Variants in SLC41A3 observed in about 807,000 individuals in gnomAD.
The protein encoded by SLC41A3 is SLC41A1-like 2.
A neutral mutation model predicts 45.4 loss-of-function variants in SLC41A3; 44 were observed. The observed-to-expected ratio is 0.97, with a 90% CI of 0.76 to 1.25. SLC41A3 has a LOEUF of 1.25. Ranked by LOEUF, SLC41A3 falls within the 50% of genes most tolerant of loss-of-function variation. The pLI is 0.00. For missense variants in SLC41A3, 550 were observed against 600.6 expected, an observed-to-expected ratio of 0.92 and a Z score of 0.88; for synonymous variants, 256 against 252.4, an observed-to-expected ratio of 1.01 and a Z score of -0.13.
intron 1 of SLC41A3, among the ~76,000 whole-genome samples, chr3:126,076,370 T>C (rs1196684980): frequency 6.6e-6 from 1 of 152,202 alleles, no homozygotes; most frequent in Non-Finnish European, 1.5e-5. Context: ...TAATATTCAA[T>C]TACATGGACA....
chr3:126,027,747 A>G (rs1457267754), intron 4 of SLC41A3, among the ~76,000 whole-genome samples: 1 of 152,214 alleles, frequency 6.6e-6, no homozygotes, highest in Non-Finnish European at 1.5e-5. Context: ...AAATTCTGGT[A>G]ATAATTTGGA....
intron 3 of SLC41A3, among the ~76,000 whole-genome samples, chr3:126,043,273 T>A (rs1336137960): frequency 6.6e-6 from 1 of 152,066 alleles, no homozygotes; most frequent in Non-Finnish European, 1.5e-5. Flanking sequence ...AAAACACCTG[T>A]CAACTGAGAA....
At chr3:126,082,896 C>T (rs1220844714) in intron 1 of SLC41A3, among the ~76,000 whole-genome samples, 2 of 152,222 alleles carry the variant, frequency 1.3e-5, no homozygotes, top group South Asian at 2.1e-4. Flanking sequence ...CTGGGCTTCA[C>T]CCCTCCCCAC....
upstream of SLC41A3, among the ~76,000 whole-genome samples, chr3:126,088,806 C>CTT (rs1945439767): frequency 6.6e-6 from 1 of 152,316 alleles, no homozygotes; most frequent in South Asian, 2.1e-4. Flanking sequence ...AAAATAACCA[C>CTT]TTTAAGGACA....
intron 3 of SLC41A3, among the ~76,000 whole-genome samples, chr3:126,035,607 G>T (rs149006218): frequency 6.6e-6 from 1 of 152,228 alleles, no homozygotes; most frequent in Non-Finnish European, 1.5e-5. Flanking sequence ...CAAGGGAGCC[G>T]ATGGAAATTA....
At chr3:126,067,097 C>G (rs369349631) in intron 2 of SLC41A3, among the ~76,000 whole-genome samples, 882 of 67,314 alleles carry the variant, frequency 0.013, 32 homozygotes, top group African/African-American at 0.023. Flanking sequence ...TGGACCGCCC[C>G]CCCGCCCCCC....
chr3:126,058,641 T>G (rs1339177464), intron 2 of SLC41A3, among the ~76,000 whole-genome samples: 1 of 152,194 alleles, frequency 6.6e-6, no homozygotes, highest in East Asian at 1.9e-4. Flanking sequence ...ACAAAACCAC[T>G]GTGTGCTCTT....
In SLC41A3 at chr3:126,050,953, A is replaced by G. The variant is rs1943292773; in HGVS notation, c.371T>C (p.Leu124Pro). 1.2e-6 allele frequency: 2 copies of G among 1,612,172 alleles called. No individual in the cohort carries two copies. The highest frequency in any genetic ancestry group is 2.7e-5 in the African/African-American group (2 of 74,882). Residue 124 changes from leucine (L) to proline (P), a missense_variant, in exon 3 of 11, where the codon CTC becomes CCC. Leu to Pro is a moderately conservative substitution (Grantham distance 98). Transcript: ENST00000360370. ...GNLEMTLASR[L>P]STAANTGQID... Reference sequence around the variant, plus strand: ...CAGGTGTCCACTTACAGCTGTGGAGAGTCTGGATGCCAGTGTCATCTCCAG... The same window carrying G: ...CAGGTGTCCACTTACAGCTGTGGAGGGTCTGGATGCCAGTGTCATCTCCAG...
At chr3:126,020,994 A>T (rs975735889) in intron 6 of SLC41A3, among the ~76,000 whole-genome samples, 2 of 151,410 alleles carry the variant, frequency 1.3e-5, no homozygotes, top group Non-Finnish European at 2.9e-5. Flanking sequence ...TCCCAGGTTC[A>T]CGCCATTCTC....
intron 3 of SLC41A3, among the ~76,000 whole-genome samples, chr3:126,043,765 C>G (rs1942748587): frequency 8.4e-6 from 1 of 118,898 alleles, no homozygotes; most frequent in South Asian, 2.6e-4. Flanking sequence ...AAAATATAAA[C>G]AAAAAGGAAC....
intron 3 of SLC41A3, among the ~76,000 whole-genome samples, chr3:126,046,356 T>TACACACACACAC (rs66615933): frequency 3.3e-5 from 5 of 150,546 alleles, no homozygotes; most frequent in African/African-American, 1.2e-4. Context: ...CTCTAAAGAT[T>TACACACACACAC]ACACACACAC....
At chr3:126,056,239 T>G in intron 2 of SLC41A3, 1 of 1,319,854 alleles carries the variant, frequency 7.6e-7, no homozygotes, top group Non-Finnish European at 1.0e-6. Context: ...CAAGGGCAGG[T>G]TGAGGGCTGC....
intron 3 of SLC41A3, among the ~76,000 whole-genome samples, chr3:126,048,721 T>C (rs926913133): frequency 3.3e-5 from 5 of 152,082 alleles, no homozygotes; most frequent in South Asian, 2.1e-4. Flanking sequence ...CAGATGGAGA[T>C]TGAAGGTAGA....
At chr3:126,047,894 A>C (rs540951450) in intron 3 of SLC41A3, among the ~76,000 whole-genome samples, 8 of 152,354 alleles carry the variant, frequency 5.3e-5, no homozygotes, top group Middle Eastern at 3.4e-3. Flanking sequence ...GATGAACTAC[A>C]TGAAAATTAA....
At chr3:126,051,372 A>G (rs1943326259) in intron 2 of SLC41A3, among the ~76,000 whole-genome samples, 1 of 152,168 alleles carries the variant, frequency 6.6e-6, no homozygotes, top group African/African-American at 2.4e-5. Context: ...GATGAGAAAG[A>G]TGGGAATTTC....
At chr3:126,032,891 G>A (rs1941908139) in intron 4 of SLC41A3, among the ~76,000 whole-genome samples, 1 of 152,160 alleles carries the variant, frequency 6.6e-6, no homozygotes, top group South Asian at 2.1e-4. Flanking sequence ...CCCCAACTCA[G>A]AGAGGCCCAG....
intron 3 of SLC41A3, among the ~76,000 whole-genome samples, chr3:126,041,146 A>T: frequency 6.6e-6 from 1 of 152,294 alleles, no homozygotes; most frequent in African/African-American, 2.4e-5. Flanking sequence ...TGAAGAGTGA[A>T]TCAGTGAAAA....
chr3:126,006,746 C>T lies in SLC41A3; in HGVS notation c.*270G>A, dbSNP rs1939143143. 4 of 1,444,866 alleles carry T rather than the reference C, an allele frequency of 2.8e-6. No homozygotes were observed. Among genetic ancestry groups the T allele is most frequent in the Non-Finnish European group, 3.6e-6 (4 of 1,104,184 alleles). The allele number at this position is 1,444,866 out of a possible 1,614,324, so 89.5% of individuals were successfully genotyped here. On this transcript the variant is annotated 3_prime_UTR_variant, in exon 11 of 11. Coordinates refer to ENST00000360370, the MANE Select transcript of SLC41A3 (RefSeq NM_017836.4). ...TCAGGCCAGAACACCCTCCTCTCCACAAACGTGTGCACACTTGCACGCTCA... is the reference window on the plus strand; with the variant it reads ...TCAGGCCAGAACACCCTCCTCTCCATAAACGTGTGCACACTTGCACGCTCA...
intron 5 of SLC41A3, chr3:126,024,630 C>G (rs1348790818): frequency 1.3e-5 from 2 of 152,338 alleles, no homozygotes; most frequent in African/African-American, 4.8e-5. Context: ...ACATGGGTAA[C>G]CCACAGAGAG....
Sources: gnomAD v4.1 joint callset for allele counts (sites outside exome capture counted in the v4.1 genomes callset) on GRCh38, gnomAD v4.1.1 for gene constraint, MANE v1.5 for transcripts, NCBI Gene and HGNC (gene_info 2026-07-23, HGNC 2026-07-21) for gene names.